Variants in GPSM2 observed in about 807,000 individuals in gnomAD.
GPSM2 encodes G protein-signaling modulator 2.
In GPSM2, 58 loss-of-function variants were observed where a neutral mutation model predicts 78.4. That is an observed-to-expected ratio of 0.74 (90% CI 0.60 to 0.92). GPSM2 has a LOEUF of 0.92. Among genes scored for constraint, GPSM2 ranks in the 40% least tolerant of loss-of-function variants. The pLI, the probability that GPSM2 is intolerant of heterozygous loss-of-function variation, is 0.00. For missense variants in GPSM2, 700 were observed against 815.5 expected (o/e 0.86, Z 1.73); for synonymous variants, 224 against 280.2 (o/e 0.80, Z 2.00).
At chr1:108,922,716 T>C (rs1220590877) in intron 13 of GPSM2, 140 bp downstream of exon 13, 1 of 819,448 alleles carries the variant, frequency 1.2e-6, no homozygotes, top group African/African-American at 1.7e-5. Context: ...CTGTTATTTA[T>C]ACAGTTCAAA....
In GPSM2 at chr1:108,922,444, G is replaced by A. The variant is rs151097410; in HGVS notation, c.1468G>A (p.Glu490Lys). 50 of 1,611,702 alleles carry A rather than the reference G, an allele frequency of 3.1e-5. No homozygotes were observed. The African/African-American group carries it at 5.6e-4, about 18-fold the overall frequency. Reference protein sequence around the residue: ...RKISADTIGDEGFFDLLSRFQ... With the variant: ...RKISADTIGDKGFFDLLSRFQ... Reference sequence around the variant, plus strand: ...AATCAGTGCAGATACTATTGGAGATGAAGGGTTCTTTGACTTATTAAGCCG... The same window carrying A: ...AATCAGTGCAGATACTATTGGAGATAAAGGGTTCTTTGACTTATTAAGCCG... The change falls in exon 13 of 15, where the codon GAA (glutamate) becomes AAA (lysine). Residue 490 changes from glutamate to lysine, a missense_variant. Coordinates refer to ENST00000264126, the MANE Select transcript of GPSM2 (RefSeq NM_013296.5).
chr1:108,934,479 G>A lies in GPSM2; in HGVS notation c.*4539G>A. 1.7e-6 allele frequency: 1 copy of A among 591,166 alleles called. No individual in the cohort carries two copies. Among genetic ancestry groups the A allele is most frequent in the Non-Finnish European group, 2.8e-6 (1 of 352,438 alleles). 36.6% of individuals were successfully genotyped at this position (591,166 alleles called of 1,614,324 possible). A position where few individuals can be genotyped will look rare whatever the true frequency, so the allele number is the denominator to read the frequency against. Reference sequence around the variant, plus strand: ...TATCAAAGAGAAGATGAAATGAAAAGCTTTTACATATATAACGTGTTTGTT... The same window carrying A: ...TATCAAAGAGAAGATGAAATGAAAAACTTTTACATATATAACGTGTTTGTT... On this transcript the variant is annotated 3_prime_UTR_variant, in exon 15 of 15. Coordinates refer to ENST00000264126, the MANE Select transcript of GPSM2 (RefSeq NM_013296.5).
chr1:108,924,079 T>A lies in GPSM2; in HGVS notation c.1680T>A (p.Asp560Glu), dbSNP rs1650944483. Residue 560 changes from aspartate (D) to glutamate (E), a missense_variant, in exon 14 of 15, where the codon GAT (aspartate) becomes GAA (glutamate). Asp to Glu is a conservative substitution (Grantham distance 45, BLOSUM62 2). Coordinates refer to ENST00000264126, the MANE Select transcript of GPSM2 (RefSeq NM_013296.5). ...CCAGCTCACAGAGTCGCCGTCTGGA[T>A]GACCAGAGGGCTAGTTTCAGTAATT... ...LLASSQSRRLDDQRASFSNLP... is the reference protein window; with the variant it reads ...LLASSQSRRLEDQRASFSNLP... The A allele has an allele frequency of 1.2e-6, 2 of 1,612,658 alleles. No individual in the cohort carries two copies. The highest frequency in any genetic ancestry group is 2.2e-5 in the East Asian group (1 of 44,874).
chr1:108,929,635 G>A, intron 14 of GPSM2, 66 bp from the exon 15 acceptor site: 8 of 1,484,176 alleles, frequency 5.4e-6, no homozygotes, highest in Non-Finnish European at 7.5e-6. Context: ...GTGACTGAGA[G>A]ATTTAACATA....
intron 10 of GPSM2, among the ~76,000 whole-genome samples, chr1:108,906,085 T>C (rs1213224729): frequency 6.6e-6 from 1 of 152,188 alleles, no homozygotes; most frequent in East Asian, 1.9e-4. Flanking sequence ...CCATATCTAA[T>C]TGGCATCTAA....
intron 14 of GPSM2, 31 bp from the exon 15 acceptor site, chr1:108,929,670 A>ATGTC: frequency 6.2e-7 from 1 of 1,606,582 alleles, no homozygotes; most frequent in South Asian, 1.1e-5. Context: ...TTCCCACAGT[A>ATGTC]TGTCTTTTAA....
At chr1:108,897,653 G>C (rs1335006871) in intron 4 of GPSM2, 26 bp downstream of exon 4, 2 of 1,600,346 alleles carry the variant, frequency 1.2e-6, no homozygotes, top group South Asian at 1.1e-5. Flanking sequence ...TAGATGGTAG[G>C]CCTAATATTT....
chr1:108,920,327 G>A (rs1438499530), intron 12 of GPSM2, among the ~76,000 whole-genome samples: 3 of 151,888 alleles, frequency 2.0e-5, no homozygotes, highest in Admixed American at 2.0e-4. Flanking sequence ...AAATTAGCTG[G>A]GCGTGTTGGC....
At position 108,931,222 on chromosome 1, in the gene GPSM2, A is replaced by AAAAC; in HGVS notation, c.*1284_*1287dup. On this transcript the variant is annotated 3_prime_UTR_variant, in exon 15 of 15. Transcript: ENST00000264126. ...GAACCTAGGACACATAAACAAACAGAAAACAGATGAAAACTCACAAAAATT... is the reference window on the plus strand; with the variant it reads ...GAACCTAGGACACATAAACAAACAGAAAACAAACAGATGAAAACTCACAAAAATT... 2 of 1,330,640 alleles carry AAAAC rather than the reference A, an allele frequency of 1.5e-6. No homozygotes were observed. The highest frequency in any genetic ancestry group is 1.0e-6 in the Non-Finnish European group (1 of 1,000,360). The allele number at this position is 1,330,640 out of a possible 1,614,324, so 82.4% of individuals were successfully genotyped here.
intron 7 of GPSM2, among the ~76,000 whole-genome samples, chr1:108,900,833 A>G (rs1028623267): frequency 6.6e-6 from 1 of 152,218 alleles, no homozygotes; most frequent in African/African-American, 2.4e-5. Context: ...ATCATTAAAT[A>G]TGTAACTTTA....
At chr1:108,921,084 A>T (rs338473) in intron 12 of GPSM2, among the ~76,000 whole-genome samples, 54,301 of 151,826 alleles carry the variant, frequency 0.36, 11,324 homozygotes, top group African/African-American at 0.57. Context: ...CATGCAAGAT[A>T]CCCTCTTTCA....
intron 10 of GPSM2, among the ~76,000 whole-genome samples, 188 bp downstream of exon 10, chr1:108,904,442 A>G (rs1649074666): frequency 2.0e-5 from 3 of 148,272 alleles, no homozygotes; most frequent in Non-Finnish European, 3.0e-5. Context: ...TATAATATAT[A>G]TATAATTATA....
intron 12 of GPSM2, among the ~76,000 whole-genome samples, chr1:108,920,120 T>C (rs1421708117): frequency 6.6e-6 from 1 of 151,780 alleles, no homozygotes; most frequent in Non-Finnish European, 1.5e-5. Flanking sequence ...TGAGCTGAGA[T>C]TGCGCCACTG....
intron 1 of GPSM2, among the ~76,000 whole-genome samples, chr1:108,880,482 A>G (rs2101293000): frequency 6.6e-6 from 1 of 152,160 alleles, no homozygotes; most frequent in Admixed American, 6.5e-5. Context: ...TGGGAGGCTG[A>G]GAGAGGAGAA....
chr1:108,884,845 A>T (rs887520909), intron 1 of GPSM2, among the ~76,000 whole-genome samples: 2 of 152,224 alleles, frequency 1.3e-5, no homozygotes, highest in African/African-American at 4.8e-5. Flanking sequence ...AATGAATCCA[A>T]CTATAACCGA....
intron 11 of GPSM2, among the ~76,000 whole-genome samples, chr1:108,915,313 G>A (rs1479214039): frequency 1.4e-5 from 2 of 143,996 alleles, no homozygotes; most frequent in East Asian, 2.1e-4. Context: ...GGAGGTTGCA[G>A]TGAGCTGAGA....
intron 2 of GPSM2, among the ~76,000 whole-genome samples, chr1:108,890,928 G>A (rs1054249634): frequency 1.3e-5 from 2 of 152,164 alleles, no homozygotes; most frequent in Non-Finnish European, 2.9e-5. Flanking sequence ...AATTTTTTAT[G>A]TGTGATAATG....
chr1:108,930,187 C>A lies in GPSM2; in HGVS notation c.*247C>A. The A allele has an allele frequency of 2.2e-6, 1 of 449,548 alleles. No homozygotes were observed. The allele number at this position is 449,548 out of a possible 1,614,324, so 27.8% of individuals were successfully genotyped here. ...CTGCTTGGGATGTGTTCTTTGGCAG[C>A]TTGTGAGATTACTTTACCTAGTGTT... On this transcript the variant is annotated 3_prime_UTR_variant, in exon 15 of 15. Transcript: ENST00000264126.
intron 1 of GPSM2, 37 bp from the exon 2 acceptor site, chr1:108,885,238 A>G: frequency 3.2e-6 from 1 of 309,022 alleles, no homozygotes; most frequent in East Asian, 6.5e-5. Flanking sequence ...CTTTGAAAAT[A>G]GGACTTCAAG....
Sources: allele counts gnomAD v4.1 joint callset (sites outside exome capture counted in the v4.1 genomes callset), GRCh38; gene constraint gnomAD v4.1.1; transcripts MANE v1.5; gene names NCBI Gene and HGNC (gene_info 2026-07-23, HGNC 2026-07-21).